The following ADGRB2 variants were observed in gnomAD, a reference collection of about 807,000 sequenced individuals.
ADGRB2 encodes the protein adhesion G protein-coupled receptor B2, also known as brain-specific angiogenesis inhibitor 2.
A neutral mutation model predicts 178.7 loss-of-function variants in ADGRB2; 47 were observed. The observed-to-expected ratio is 0.26, with a 90% CI of 0.21 to 0.34. The LOEUF is 0.34. Among genes scored for constraint, ADGRB2 ranks in the 10% least tolerant of loss-of-function variants. ADGRB2 has a pLI of 1.00. For synonymous variants in ADGRB2, 870 were observed against 912.4 expected (o/e 0.95, Z 0.84); for missense variants, 1,584 against 2,180.8 (o/e 0.73, Z 5.45).
chr1:31,735,416 G>T lies in ADGRB2; in HGVS notation c.3354-135C>A. On this transcript the variant is annotated intron_variant, in intron 24 of 32. Transcript: ENST00000373658. The surrounding 1 kb of genome is among the most constrained non-coding windows in gnomAD (Gnocchi z 6.0). ...AGAGCTGGGTTAGGGTGGGTGAGGGGCTGCGGCTGAGCACTCCGGGTGCCC... is the reference window on the plus strand; with the variant it reads ...AGAGCTGGGTTAGGGTGGGTGAGGGTCTGCGGCTGAGCACTCCGGGTGCCC... 3 of 1,218,962 alleles carry T rather than the reference G, an allele frequency of 2.5e-6. No individual in the cohort carries two copies. Among genetic ancestry groups the T allele is most frequent in the East Asian group, 2.5e-5 (1 of 39,246 alleles). The allele number at this position is 1,218,962 out of a possible 1,614,324, so 75.5% of individuals were successfully genotyped here.
At position 31,754,864 on chromosome 1, in the gene ADGRB2, T is replaced by A. The variant is rs1646756087; in HGVS notation, c.838+1135A>T. The stretch of plus-strand genomic sequence containing the variant: ...CAAAGGTAGAGGCCAACTCCAGGGC[T>A]CTAGCCAGCAGAGCAGGGCTGGGGA... On this transcript the variant is annotated intron_variant, in intron 4 of 32. Coordinates refer to ENST00000373658, the MANE Select transcript of ADGRB2 (RefSeq NM_001364857.2). The surrounding 1 kb of genome is among the most constrained non-coding windows in gnomAD (Gnocchi z 5.7). 6.6e-6 allele frequency among the ~76,000 whole-genome samples: 1 copy of A among 152,204 alleles called. No homozygotes were observed. The highest frequency in any genetic ancestry group is 6.5e-5 in the Admixed American group (1 of 15,284).
At chr1:31,738,528 T>G in intron 17 of ADGRB2, 59 bp downstream of exon 17, 1 of 1,567,264 alleles carries the variant, frequency 6.4e-7, no homozygotes, top group Non-Finnish European at 8.7e-7. Context: ...GGAGACCCCT[T>G]TCTGGCAAAG....
Position 31,744,118 on chromosome 1 carries a change from G to A in ADGRB2, c.1087+75C>T. The A allele has an allele frequency of 1.4e-6, 2 of 1,440,264 alleles. No individual in the cohort carries two copies. Among genetic ancestry groups the A allele is most frequent in the Non-Finnish European group, 9.2e-7 (1 of 1,087,796 alleles). The allele number at this position is 1,440,264 out of a possible 1,614,324, so 89.2% of individuals were successfully genotyped here. A position where few individuals can be genotyped will look rare whatever the true frequency, so the allele number is the denominator to read the frequency against. On this transcript the variant is annotated intron_variant, in intron 6 of 32. Coordinates refer to ENST00000373658, the MANE Select transcript of ADGRB2 (RefSeq NM_001364857.2). The surrounding 1 kb of genome is among the most constrained non-coding windows in gnomAD (Gnocchi z 6.7). ...AAAGGAGGAGGCAACCAACCATTTTGGAGATTAATCTGCCCAAGTCCCAGG... is the reference window on the plus strand; with the variant it reads ...AAAGGAGGAGGCAACCAACCATTTTAGAGATTAATCTGCCCAAGTCCCAGG...
At chr1:31,748,437 G>A (rs1646387725) in intron 4 of ADGRB2, among the ~76,000 whole-genome samples, 1 of 152,248 alleles carries the variant, frequency 6.6e-6, no homozygotes, top group African/African-American at 2.4e-5. Flanking sequence ...GTTCTCCCTG[G>A]AGGGGGAAGA....
intron 26 of ADGRB2, 88 bp from the exon 27 acceptor site, chr1:31,732,700 C>A: frequency 6.9e-7 from 1 of 1,456,072 alleles, no homozygotes; most frequent in Non-Finnish European, 9.5e-7. Flanking sequence ...GATGCCCAGG[C>A]AAGTGTAGAA....
intron 2 of ADGRB2, 25 bp downstream of exon 2, chr1:31,757,357 C>A: frequency 8.9e-7 from 1 of 1,121,362 alleles, no homozygotes; most frequent in Non-Finnish European, 1.3e-6. Context: ...GAGGTTATTC[C>A]TGGAACAATG....
Position 31,744,622 on chromosome 1 carries a change from G to C in ADGRB2, c.922+26C>G. On this transcript the variant is annotated intron_variant, in intron 5 of 32. Transcript: ENST00000373658. This position sits in a 1 kb window ranked among gnomAD's most constrained non-coding sequence, Gnocchi z 6.7. Reference sequence around the variant, plus strand: ...CGCACACAGTCGGGCCCCCGCCGCAGAGGAAGGGAGGCGGGCCCGAGTTAC... The same window carrying C: ...CGCACACAGTCGGGCCCCCGCCGCACAGGAAGGGAGGCGGGCCCGAGTTAC... The C allele has an allele frequency of 6.2e-7, 1 of 1,612,292 alleles. No homozygotes were observed. Among genetic ancestry groups the C allele is most frequent in the Non-Finnish European group, 8.5e-7 (1 of 1,178,762 alleles).
At chr1:31,738,776 C>T (rs1645771106) in intron 16 of ADGRB2, 56 bp downstream of exon 16, 2 of 1,604,538 alleles carry the variant, frequency 1.2e-6, no homozygotes, top group East Asian at 2.2e-5. Context: ...ACCAGCCAGG[C>T]CTCTGGCCAC....
Position 31,732,148 on chromosome 1 carries a change from A to C in ADGRB2, c.3727T>G (p.Phe1243Val), listed in dbSNP as rs1347289522. Residue 1243 changes from phenylalanine (F) to valine (V), a missense_variant, in exon 28 of 33, where the codon TTT becomes GTT. Transcript: ENST00000373658. Reference sequence around the variant, plus strand: ...CAAGCCAGATCCACATCCTTTTCAAAGTCTGACTATAGGCAGAAAGGGAGG... The same window carrying C: ...CAAGCCAGATCCACATCCTTTTCAACGTCTGACTATAGGCAGAAAGGGAGG... ...KNGQLQILSD[F>V]EKDVDLACQT... 1 of 1,614,090 alleles carries C rather than the reference A, an allele frequency of 6.2e-7. No homozygotes were observed. The highest frequency in any genetic ancestry group is 8.5e-7 in the Non-Finnish European group (1 of 1,179,966).
rs1214704783 is a variant in ADGRB2 at position 31,735,368 on chromosome 1, A to AG, written c.3354-88dup. 2 of 452,642 alleles carry AG rather than the reference A, an allele frequency of 4.4e-6. No homozygotes were observed. The highest frequency in any genetic ancestry group is 4.8e-5 in the Admixed American group (2 of 41,442). The allele number at this position is 452,642 out of a possible 1,614,324, so 28.0% of individuals were successfully genotyped here. A position where few individuals can be genotyped will look rare whatever the true frequency, so the allele number is the denominator to read the frequency against. ...CAGAATGAGCCCCGAGTGGGGTGGG[A>AG]GGGGAGGGCAGACGAGAGAGAGAGA... On this transcript the variant is annotated intron_variant, in intron 24 of 32. Transcript: ENST00000373658. This position sits in a 1 kb window ranked among gnomAD's most constrained non-coding sequence, Gnocchi z 6.0.
chr1:31,727,680 G>T lies in ADGRB2; in HGVS notation c.4573-75C>A. Reference sequence around the variant, plus strand: ...ATTGTACAGACGATCAAACTGAGGAGTCCCAGAGAGGGCTGGTAATGCCCA... The same window carrying T: ...ATTGTACAGACGATCAAACTGAGGATTCCCAGAGAGGGCTGGTAATGCCCA... On this transcript the variant is annotated intron_variant, in intron 32 of 32. Coordinates refer to ENST00000373658, the MANE Select transcript of ADGRB2 (RefSeq NM_001364857.2). This position sits in a 1 kb window ranked among gnomAD's most constrained non-coding sequence, Gnocchi z 4.4. 7.2e-7 allele frequency: 1 copy of T among 1,384,268 alleles called. No individual in the cohort carries two copies. The highest frequency in any genetic ancestry group is 9.5e-7 in the Non-Finnish European group (1 of 1,056,076). The allele number at this position is 1,384,268 out of a possible 1,614,324, so 85.7% of individuals were successfully genotyped here.
chr1:31,732,576 G>C lies in ADGRB2; in HGVS notation c.3661C>G (p.Arg1221Gly). 1 of 1,614,106 alleles carries C rather than the reference G, an allele frequency of 6.2e-7. No individual in the cohort carries two copies. The highest frequency in any genetic ancestry group is 8.5e-7 in the Non-Finnish European group (1 of 1,180,026). ...DVVKCQMGVC[R>G]ADESEDSPDS... is the part of the protein sequence containing the mutation. The stretch of plus-strand genomic sequence containing the variant: ...GGGGAGTCTTCGCTCTCATCAGCCC[G>C]GCACACCCCCATCTGGCACTTCACC... Residue 1221 changes from arginine (R) to glycine (G), a missense_variant, in exon 27 of 33, where the codon CGG becomes GGG. Physicochemically the swap from Arg to Gly is moderately radical, Grantham distance 125. Coordinates refer to ENST00000373658, the MANE Select transcript of ADGRB2 (RefSeq NM_001364857.2).
rs751141886 is a variant in ADGRB2 at position 31,740,548 on chromosome 1, G to T, written c.1795-7C>A. 8.8e-6 allele frequency: 14 copies of T among 1,588,896 alleles called. No homozygotes were observed. Among genetic ancestry groups the T allele is most frequent in the Non-Finnish European group, 1.0e-5 (12 of 1,166,662 alleles). ...TGGCCAGGTGCTCCCTAAGCTGTAG[G>T]TGATGAGGGGGCCACAGTCACTGAA... On this transcript the variant is annotated splice_region_variant and splice_polypyrimidine_tract_variant and intron_variant, in intron 11 of 32. Transcript: ENST00000373658. The surrounding 1 kb of genome is among the most constrained non-coding windows in gnomAD (Gnocchi z 5.9).
Position 31,738,889 on chromosome 1 carries a change from G to A in ADGRB2, c.2544C>T (p.Pro848=), listed in dbSNP as rs1247650618. 6.2e-7 allele frequency: 1 copy of A among 1,613,742 alleles called. No homozygotes were observed. The highest frequency in any genetic ancestry group is 8.5e-7 in the Non-Finnish European group (1 of 1,180,002). The change falls in exon 16 of 33, where the codon CCC becomes CCT. Residue 848 remains proline (P), a synonymous_variant. Coordinates refer to ENST00000373658, the MANE Select transcript of ADGRB2 (RefSeq NM_001364857.2). ...TSRVMTVTVR[P]PTQPPAEPLI... is the part of the protein sequence containing the mutation. ...GGGGCTCAGCTGGAGGCTGGGTAGG[G>A]GGGCGCACAGTCACTGTCATCACCC...
rs1361723779 is a variant in ADGRB2, at chr1:31,756,000, A to G, written c.837T>C (p.Tyr279=). The change falls in exon 4 of 33, where the codon TAT becomes TAC. Residue 279 remains tyrosine (Y), a splice_region_variant and synonymous_variant. Coordinates refer to ENST00000373658, the MANE Select transcript of ADGRB2 (RefSeq NM_001364857.2). This position sits in a 1 kb window ranked among gnomAD's most constrained non-coding sequence, Gnocchi z 5.1. ...CACCCAGGCCCTGCTGAGACTCACC[A>G]TATCTCATCTCGGTTGTGAACAGAT... is the stretch of plus-strand genomic sequence containing the variant. ...SNDLFTTEMR[Y]GEEPEEEPKV... is the part of the protein sequence containing the mutation. 5 of 1,604,028 alleles carry G rather than the reference A, an allele frequency of 3.1e-6. No individual in the cohort carries two copies. Among genetic ancestry groups the G allele is most frequent in the Middle Eastern group, 1.7e-4 (1 of 6,058 alleles).
rs1383190792 is a variant in ADGRB2 at position 31,742,998 on chromosome 1, G to A, written c.1092C>T (p.His364=). The change falls in exon 7 of 33, where the codon CAC becomes CAT. Residue 364 remains histidine, a synonymous_variant. Coordinates refer to ENST00000373658, the MANE Select transcript of ADGRB2 (RefSeq NM_001364857.2). The part of the protein sequence containing the change: ...PCNNSATCPV[H]GVWEEWGSWS... ...AGGACCCCCACTCCTCCCACACGCC[G>A]TGCACTGCAAGGAAGCACGTGGCCG... The A allele has an allele frequency of 1.3e-5, 20 of 1,497,708 alleles. No homozygotes were observed. The highest frequency in any genetic ancestry group is 2.3e-4 in the Middle Eastern group (1 of 4,274). The allele number at this position is 1,497,708 out of a possible 1,614,324, so 92.8% of individuals were successfully genotyped here.
chr1:31,763,349 C>T (rs1042678398), intron 1 of ADGRB2, among the ~76,000 whole-genome samples: 5 of 147,818 alleles, frequency 3.4e-5, no homozygotes, highest in Admixed American at 2.7e-4. Context: ...GGTCGGGGTA[C>T]AGGCGCGGGG....
intron 4 of ADGRB2, among the ~76,000 whole-genome samples, chr1:31,751,533 T>C (rs1228374281): frequency 6.6e-6 from 1 of 152,252 alleles, no homozygotes; most frequent in Admixed American, 6.5e-5. Flanking sequence ...ATCCCCAATG[T>C]GTGCTAATTC....
rs141155138 is a variant in ADGRB2, at chr1:31,728,098, C to A, written c.4516-17G>T. The A allele has an allele frequency of 3.1e-6, 5 of 1,610,694 alleles. No individual in the cohort carries two copies. The highest frequency in any genetic ancestry group is 3.3e-4 in the Middle Eastern group (2 of 6,050). On this transcript the variant is annotated splice_polypyrimidine_tract_variant and intron_variant, in intron 31 of 32. Coordinates refer to ENST00000373658, the MANE Select transcript of ADGRB2 (RefSeq NM_001364857.2). The surrounding 1 kb of genome is among the most constrained non-coding windows in gnomAD (Gnocchi z 6.7). Reference sequence around the variant, plus strand: ...CTTCTCCCTCTGCAACGGGGGCCACCGGTCAGGCTCCAACCCCAGGGGCCA... The same window carrying A: ...CTTCTCCCTCTGCAACGGGGGCCACAGGTCAGGCTCCAACCCCAGGGGCCA...
Sources: gnomAD v4.1 joint callset for allele counts (sites outside exome capture counted in the v4.1 genomes callset) on GRCh38, gnomAD v4.1.1 for gene constraint, Gnocchi (gnomAD v3.1) non-coding constraint, MANE v1.5 for transcripts, NCBI Gene and HGNC (gene_info 2026-07-23, HGNC 2026-07-21) for gene names.